Variants in TSEN2 observed in about 807,000 individuals in gnomAD.
The protein encoded by TSEN2 is tRNA-splicing endonuclease subunit Sen2.
A neutral mutation model predicts 59.2 loss-of-function variants in TSEN2; 54 were observed. That is an observed-to-expected ratio of 0.91 (90% CI 0.73 to 1.14). The LOEUF (loss-of-function observed/expected upper bound fraction) is 1.14. Ranked by LOEUF, TSEN2 falls within the 50% of genes most tolerant of loss-of-function variation. The probability of loss-of-function intolerance (pLI) is 0.00; values close to 1 mark genes in which losing one functional copy is unlikely to be tolerated. For synonymous variants in TSEN2, 195 were observed against 198.2 expected, an observed-to-expected ratio of 0.98 and a Z score of 0.14; for missense variants, 636 against 576.2, an observed-to-expected ratio of 1.10 and a Z score of -1.06.
At chr3:12,538,136 C>T (rs1322012426), downstream of TSEN2, among the ~76,000 whole-genome samples, 2 of 152,152 alleles carry the variant, frequency 1.3e-5, no homozygotes, top group African/African-American at 2.4e-5. Flanking sequence ...TTCCCATTGA[C>T]GTTAACTGTG....
chr3:12,490,004 C>T lies in TSEN2; in HGVS notation c.189+15C>T, dbSNP rs1220010718. 2 of 1,613,422 alleles carry T rather than the reference C, an allele frequency of 1.2e-6. No individual in the cohort carries two copies. The highest frequency in any genetic ancestry group is 1.7e-6 in the Non-Finnish European group (2 of 1,179,498). On this transcript the variant is annotated intron_variant, in intron 2 of 11. Coordinates refer to ENST00000284995, the MANE Select transcript of TSEN2 (RefSeq NM_025265.4). ...TCTATGGGAAAGTAAGTGCAGGCAG[C>T]CTTGGTAAGATTACTTTCAGACAAC...
chr3:12,526,743 G>A (rs1400642794), intron 8 of TSEN2, among the ~76,000 whole-genome samples: 1 of 152,172 alleles, frequency 6.6e-6, no homozygotes, highest in African/African-American at 2.4e-5. Flanking sequence ...TTGTCCCATG[G>A]TCTTGGCACT....
At chr3:12,537,614 G>C (rs1352126520), downstream of TSEN2, among the ~76,000 whole-genome samples, 2 of 152,106 alleles carry the variant, frequency 1.3e-5, no homozygotes, top group African/African-American at 2.4e-5. Context: ...AGGTACAGTT[G>C]GTCCCTTTCG....
Position 12,503,747 on chromosome 3 carries a change from G to A in TSEN2, c.794G>A (p.Cys265Tyr), listed in dbSNP as rs767249714. The stretch of plus-strand genomic sequence containing the variant: ...TACGTGCTGGTCGAGGAAGCGGAGT[G>A]TGCCATGAGCGAGAGGGAGGCTGCC... ...HEYVLVEEAE[C>Y]AMSEREAAPN... The change falls in exon 5 of 12, where the codon TGT becomes TAT. Residue 265 changes from cysteine (C) to tyrosine (Y), a missense_variant. Physicochemically the swap from Cys to Tyr is radical, Grantham distance 194 (BLOSUM62 -2). Coordinates refer to ENST00000284995, the MANE Select transcript of TSEN2 (RefSeq NM_025265.4). The A allele has an allele frequency of 1.9e-6, 3 of 1,614,014 alleles. No homozygotes were observed. Among genetic ancestry groups the A allele is most frequent in the Admixed American group, 1.7e-5 (1 of 59,976 alleles).
chr3:12,529,000 G>A, intron 9 of TSEN2, 76 bp downstream of exon 9: 2 of 1,492,252 alleles, frequency 1.3e-6, no homozygotes, highest in South Asian at 2.3e-5. Context: ...TAACTTTTTG[G>A]TGCCATAGGA....
chr3:12,511,039 G>A (rs1256879387), intron 6 of TSEN2: 1 of 152,106 alleles, frequency 6.6e-6, no homozygotes, highest in African/African-American at 2.4e-5. Flanking sequence ...GTGTGCTGGT[G>A]GGCAGGAGAG....
At chr3:12,483,913 C>T (rs1408281611), upstream of TSEN2, among the ~76,000 whole-genome samples, 1 of 152,206 alleles carries the variant, frequency 6.6e-6, no homozygotes, top group Non-Finnish European at 1.5e-5. Flanking sequence ...CTCACGCAGC[C>T]AGTGAGGGGG....
At chr3:12,505,038 C>T (rs2054665188) in intron 5 of TSEN2, 116 bp from the exon 6 acceptor site, 2 of 732,240 alleles carry the variant, frequency 2.7e-6, no homozygotes, top group Non-Finnish European at 2.4e-6. Flanking sequence ...ATAATATTAA[C>T]ACAATAGAAT....
intron 1 of TSEN2, among the ~76,000 whole-genome samples, chr3:12,488,808 C>T (rs994171949): frequency 2.0e-5 from 3 of 152,192 alleles, no homozygotes; most frequent in Middle Eastern, 3.2e-3. Context: ...TAGACCCTGC[C>T]TGTGCTTTCA....
At position 12,533,413 on chromosome 3, in the gene TSEN2, G is replaced by C. The variant is rs1028576481; in HGVS notation, c.*692G>C. The C allele has an allele frequency of 6.5e-6, 1 of 152,698 alleles. No homozygotes were observed. Among genetic ancestry groups the C allele is most frequent in the African/African-American group, 2.4e-5 (1 of 41,422 alleles). The allele number at this position is 152,698 out of a possible 1,614,324, so 9.5% of individuals were successfully genotyped here. A position where few individuals can be genotyped will look rare whatever the true frequency, so the allele number is the denominator to read the frequency against. ...GCCCATACCTATAATCCCAGCACTT[G>C]GGAGGCCTTGGGAGGCCAAGGCGCA... On this transcript the variant is annotated 3_prime_UTR_variant, in exon 12 of 12. Transcript: ENST00000284995.
chr3:12,529,633 T>A, intron 9 of TSEN2, 129 bp from the exon 10 acceptor site: 1 of 810,762 alleles, frequency 1.2e-6, no homozygotes, highest in East Asian at 2.7e-5. Flanking sequence ...TCAATAGCAA[T>A]TTAGGGGAAT....
intron 4 of TSEN2, among the ~76,000 whole-genome samples, chr3:12,498,415 A>G (rs1317104169): frequency 6.6e-6 from 1 of 152,174 alleles, no homozygotes; most frequent in South Asian, 2.1e-4. Flanking sequence ...CGCTCTTGAT[A>G]TACTTTATTG....
At chr3:12,513,879 CTG>C (rs752323417) in intron 6 of TSEN2, among the ~76,000 whole-genome samples, 50 of 152,338 alleles carry the variant, frequency 3.3e-4, no homozygotes, top group Non-Finnish European at 2.5e-4. Flanking sequence ...AATGTTCACA[CTG>C]AGAAGAGATG....
intron 3 of TSEN2, among the ~76,000 whole-genome samples, chr3:12,493,239 C>T (rs777795042): frequency 6.6e-6 from 1 of 152,178 alleles, no homozygotes; most frequent in Non-Finnish European, 1.5e-5. Flanking sequence ...TATTTGCATA[C>T]ACGTATCTGA....
chr3:12,523,027 G>A (rs2125193931), intron 8 of TSEN2, among the ~76,000 whole-genome samples: 1 of 152,154 alleles, frequency 6.6e-6, no homozygotes, highest in East Asian at 1.9e-4. Context: ...TAGCAGAGGA[G>A]TTTGAGGTTT....
At chr3:12,534,937 C>T (rs2057638059), downstream of TSEN2, among the ~76,000 whole-genome samples, 2 of 152,036 alleles carry the variant, frequency 1.3e-5, no homozygotes, top group South Asian at 4.2e-4. Context: ...AGCCACTGCA[C>T]TCCAGCCTGG....
chr3:12,510,787 G>C (rs2055365174), intron 6 of TSEN2, among the ~76,000 whole-genome samples: 1 of 152,044 alleles, frequency 6.6e-6, no homozygotes, highest in African/African-American at 2.4e-5. Context: ...TCCCTCCCCT[G>C]CAATAGGTCA....
chr3:12,503,865 C>T (rs2054551742), intron 5 of TSEN2, 81 bp downstream of exon 5: 12 of 1,532,048 alleles, frequency 7.8e-6, no homozygotes, highest in Admixed American at 3.9e-5. Context: ...CTTTTGCCTG[C>T]AGCTGGTAGC....
intron 6 of TSEN2, among the ~76,000 whole-genome samples, chr3:12,507,444 G>C (rs299653): frequency 0.4 from 61,388 of 152,058 alleles, 13,152 homozygotes; most frequent in African/African-American, 0.54. Flanking sequence ...GGATGTTCTG[G>C]AAATTAAATA....
Sources: gnomAD v4.1 joint callset for allele counts (sites outside exome capture counted in the v4.1 genomes callset) on GRCh38, gnomAD v4.1.1 for gene constraint, MANE v1.5 for transcripts, NCBI Gene and HGNC (gene_info 2026-07-23, HGNC 2026-07-21) for gene names.